Variants in ALCAM observed in about 807,000 individuals in gnomAD.
ALCAM encodes CD166 antigen.
A neutral mutation model predicts 70.9 loss-of-function variants in ALCAM; 30 were observed. The observed-to-expected ratio is 0.42, with a 90% CI of 0.32 to 0.57. The LOEUF (loss-of-function observed/expected upper bound fraction) is 0.57. Among genes scored for constraint, ALCAM ranks in the 20% least tolerant of loss-of-function variants. The pLI, the probability that ALCAM is intolerant of heterozygous loss-of-function variation, is 0.11. For synonymous variants in ALCAM, 249 were observed against 242.5 expected (o/e 1.03, Z -0.25); for missense variants, 591 against 695.1 (o/e 0.85, Z 1.68).
At chr3:105,522,596 A>G (rs1576219106) in intron 2 of ALCAM, among the ~76,000 whole-genome samples, 1 of 151,948 alleles carries the variant, frequency 6.6e-6, no homozygotes, top group African/African-American at 2.4e-5. Context: ...TACTCCTGAC[A>G]CCTCCTCACC....
At chr3:105,454,039 A>C (rs61522255) in intron 1 of ALCAM, among the ~76,000 whole-genome samples, 22,764 of 152,146 alleles carry the variant, frequency 0.15, 1,816 homozygotes, top group Middle Eastern at 0.19. Flanking sequence ...TCATTTTTCC[A>C]ATTACACAGA....
intron 7 of ALCAM, among the ~76,000 whole-genome samples, chr3:105,540,562 T>A (rs2279388): frequency 0.5 from 76,154 of 151,750 alleles, 19,454 homozygotes; most frequent in East Asian, 0.76. Flanking sequence ...ATGTATAATC[T>A]TGAAATGCCA....
chr3:105,519,017 T>C (rs1939460780), intron 1 of ALCAM, among the ~76,000 whole-genome samples: 1 of 152,116 alleles, frequency 6.6e-6, no homozygotes, highest in Non-Finnish European at 1.5e-5. Flanking sequence ...CTTTGCATTT[T>C]AGCACCACCT....
chr3:105,406,193 T>G (rs890669839), intron 1 of ALCAM, among the ~76,000 whole-genome samples: 2 of 152,188 alleles, frequency 1.3e-5, no homozygotes, highest in African/African-American at 4.8e-5. Flanking sequence ...GTCCAGATAC[T>G]GGGGTAATTA....
chr3:105,544,246 A>G (rs1402092169), intron 8 of ALCAM, among the ~76,000 whole-genome samples: 1 of 151,532 alleles, frequency 6.6e-6, no homozygotes, highest in Admixed American at 6.6e-5. Context: ...AAAATCTGCC[A>G]AGCTTTCTCA....
chr3:105,556,963 C>A (rs962703348), intron 14 of ALCAM, among the ~76,000 whole-genome samples: 1 of 151,966 alleles, frequency 6.6e-6, no homozygotes, highest in East Asian at 1.9e-4. Context: ...ATACAATTAA[C>A]CCCATTTTGT....
At chr3:105,471,826 A>G (rs1452279962) in intron 1 of ALCAM, among the ~76,000 whole-genome samples, 1 of 151,106 alleles carries the variant, frequency 6.6e-6, no homozygotes, top group Non-Finnish European at 1.5e-5. Flanking sequence ...CTCTCTTAGC[A>G]TTTTTCAAGA....
intron 1 of ALCAM, among the ~76,000 whole-genome samples, chr3:105,463,810 T>C (rs1009215101): frequency 6.6e-6 from 1 of 151,426 alleles, no homozygotes; most frequent in African/African-American, 2.4e-5. Flanking sequence ...TGGGAGATTT[T>C]GTTTTGTTAC....
intron 14 of ALCAM, chr3:105,552,949 T>C (rs1940444913): frequency 9.6e-7 from 1 of 1,046,200 alleles, no homozygotes; most frequent in Non-Finnish European, 1.2e-6. Flanking sequence ...CTAGTACATC[T>C]TGTAGGGACT....
chr3:105,371,620 T>C (rs1255926886), intron 1 of ALCAM, among the ~76,000 whole-genome samples: 1 of 152,054 alleles, frequency 6.6e-6, no homozygotes, highest in South Asian at 2.1e-4. Flanking sequence ...TATTACTTGG[T>C]GTAAGATGGC....
chr3:105,519,052 T>C (rs1939462332), intron 1 of ALCAM, among the ~76,000 whole-genome samples: 1 of 152,112 alleles, frequency 6.6e-6, no homozygotes, highest in African/African-American at 2.4e-5. Context: ...CATTTGTTTT[T>C]TTCTCTACTG....
At chr3:105,537,867 A>G (rs1940012336) in intron 6 of ALCAM, among the ~76,000 whole-genome samples, 1 of 152,156 alleles carries the variant, frequency 6.6e-6, no homozygotes, top group African/African-American at 2.4e-5. Context: ...CACAATATAG[A>G]TGCCAAACAA....
intron 1 of ALCAM, among the ~76,000 whole-genome samples, chr3:105,455,028 C>G (rs558677478): frequency 2.0e-5 from 3 of 152,110 alleles, no homozygotes; most frequent in African/African-American, 7.2e-5. Flanking sequence ...TGAAGAAACT[C>G]TTGTTGAATT....
intron 1 of ALCAM, among the ~76,000 whole-genome samples, 185 bp downstream of exon 1, chr3:105,367,666 G>A (rs1485152757): frequency 6.6e-6 from 1 of 152,204 alleles, no homozygotes; most frequent in African/African-American, 2.4e-5. Context: ...GGGCTTGGCT[G>A]GTTAGCTCAA....
chr3:105,568,879 T>G (rs893960540), intron 14 of ALCAM, among the ~76,000 whole-genome samples: 1 of 152,150 alleles, frequency 6.6e-6, no homozygotes, highest in Non-Finnish European at 1.5e-5. Flanking sequence ...ACACTTGGTG[T>G]TTTGTTTTTT....
At chr3:105,550,092 G>T in intron 11 of ALCAM, 35 bp from the exon 12 acceptor site, 2 of 1,543,882 alleles carry the variant, frequency 1.3e-6, no homozygotes, top group South Asian at 2.3e-5. Flanking sequence ...AATCCATTTT[G>T]ATTTCTAAAC....
chr3:105,498,476 T>C (rs73006126), intron 1 of ALCAM, among the ~76,000 whole-genome samples: 180 of 150,900 alleles, frequency 1.2e-3, no homozygotes, highest in African/African-American at 4.2e-3. Flanking sequence ...GACACCACCA[T>C]GTTTTGTCTG....
intron 1 of ALCAM, among the ~76,000 whole-genome samples, chr3:105,374,098 G>A (rs529479699): frequency 1.3e-5 from 2 of 152,348 alleles, no homozygotes; most frequent in South Asian, 4.1e-4. Context: ...AGAAAAAGTA[G>A]AGGAGTTGGG....
At chr3:105,549,355 C>G (rs543601275) in intron 11 of ALCAM, among the ~76,000 whole-genome samples, 14 of 151,396 alleles carry the variant, frequency 9.2e-5, no homozygotes, top group Admixed American at 5.9e-4. Context: ...GAGAATAGCT[C>G]TTGTCCTCAA....
Sources: gnomAD v4.1 joint callset for allele counts (sites outside exome capture counted in the v4.1 genomes callset) on GRCh38, gnomAD v4.1.1 for gene constraint, MANE v1.5 for transcripts, NCBI Gene and HGNC (gene_info 2026-07-23, HGNC 2026-07-21) for gene names.